Variants in ST7 observed in about 807,000 individuals in gnomAD.
ST7 encodes the protein suppression of tumorigenicity 7, also known as suppressor of tumorigenicity 7 protein.
Under a neutral mutation model 78.7 loss-of-function variants are expected in ST7, and 28 were observed. That is an observed-to-expected ratio of 0.36 (90% CI 0.26 to 0.49). The LOEUF is 0.49. ST7 is among the 20% of genes least tolerant of loss of function. ST7 has a pLI of 0.99. For missense variants in ST7, 418 were observed against 696.0 expected (o/e 0.60, Z 4.49); for synonymous variants, 247 against 249.6 (o/e 0.99, Z 0.10).
At chr7:116,972,920 C>T (rs1585068600) in intron 1 of ST7, 1 of 1,313,070 alleles carries the variant, frequency 7.6e-7, no homozygotes, top group East Asian at 2.3e-5. Flanking sequence ...ATGGTGCCCA[C>T]TCAGCTACTG....
intron 1 of ST7, among the ~76,000 whole-genome samples, chr7:116,999,670 C>A (rs1378175029): frequency 6.6e-6 from 1 of 152,152 alleles, no homozygotes; most frequent in African/African-American, 2.4e-5. Flanking sequence ...AGTATCATTT[C>A]ACTTATCAAC....
intron 3 of ST7, among the ~76,000 whole-genome samples, chr7:117,123,071 A>G (rs1258135788): frequency 6.6e-6 from 1 of 152,190 alleles, no homozygotes; most frequent in Non-Finnish European, 1.5e-5. Flanking sequence ...TTCTTGGAGC[A>G]TCATAAGATG....
rs1319824040 is a variant in ST7 at position 117,147,068 on chromosome 7, TTA to T, written c.963+8540_963+8541del. Among the ~76,000 whole-genome samples the T allele has an allele frequency of 2.0e-5, 3 of 152,248 alleles. 1 individual carries two copies. Among genetic ancestry groups the T allele is most frequent in the South Asian group, 4.1e-4 (2 of 4,820 alleles). On this transcript the variant is annotated intron_variant, in intron 9 of 15. Coordinates refer to ENST00000323984, the MANE Select transcript of ST7 (RefSeq NM_001369598.1). ...GAATGTAGTGTCTTGTGTGTTTAAT[TTA>T]TATGTCTATAGATCTCTGCTTCTTC...
At chr7:117,104,170 G>A (rs1801779058) in intron 2 of ST7, among the ~76,000 whole-genome samples, 1 of 152,222 alleles carries the variant, frequency 6.6e-6, no homozygotes, top group Non-Finnish European at 1.5e-5. Flanking sequence ...GGTAGGTGCA[G>A]TGGCTCACGC....
intron 9 of ST7, among the ~76,000 whole-genome samples, chr7:117,161,509 G>A (rs969727465): frequency 2.0e-5 from 3 of 150,138 alleles, no homozygotes; most frequent in African/African-American, 7.4e-5. Flanking sequence ...TAAAGCTGTG[G>A]CCCTCATCTG....
intron 2 of ST7, among the ~76,000 whole-genome samples, chr7:117,113,443 A>C (rs1356533793): frequency 6.6e-6 from 1 of 151,888 alleles, no homozygotes; most frequent in East Asian, 1.9e-4. Flanking sequence ...AAAAAGGAAA[A>C]GAAAGAGAGA....
chr7:117,106,276 G>A (rs1801956040), intron 2 of ST7, among the ~76,000 whole-genome samples: 1 of 152,188 alleles, frequency 6.6e-6, no homozygotes, highest in Non-Finnish European at 1.5e-5. Context: ...GGGATTACAG[G>A]CGTGAGCCAC....
rs375829707 is a variant in ST7, at chr7:117,138,898, G to A, written c.963+366G>A. On this transcript the variant is annotated intron_variant, in intron 9 of 15. Transcript: ENST00000323984. ...TAAACCTTTGGGGCTGCAGCTGGAAGCCAATAATGAGACCAGCCATGTTAG... is the reference window on the plus strand; with the variant it reads ...TAAACCTTTGGGGCTGCAGCTGGAAACCAATAATGAGACCAGCCATGTTAG... 1.6e-4 allele frequency among the ~76,000 whole-genome samples: 24 copies of A among 152,310 alleles called. No homozygotes were observed. The East Asian group carries it at 4.2e-3, about 27-fold the overall frequency.
chr7:117,008,347 C>G (rs936164104), intron 1 of ST7, among the ~76,000 whole-genome samples: 1 of 152,150 alleles, frequency 6.6e-6, no homozygotes. Flanking sequence ...CAAGAATTCC[C>G]TTTCAGCAAT....
chr7:117,136,126 C>A lies in ST7; in HGVS notation c.756C>A (p.Thr252=). Residue 252 remains threonine (T), a synonymous_variant, in exon 8 of 16, where the codon ACC becomes ACA. Coordinates refer to ENST00000323984, the MANE Select transcript of ST7 (RefSeq NM_001369598.1). ...TCTTGGCTGAAGAGGAAGCAACAAC[C>A]ATTGCTGAAGCAGAAAAATTATTTA... ...YILLAEEEAT[T]IAEAEKLFKQ... is the part of the protein sequence containing the mutation. The A allele has an allele frequency of 6.2e-7, 1 of 1,613,484 alleles. No individual in the cohort carries two copies. Among genetic ancestry groups the A allele is most frequent in the Non-Finnish European group, 8.5e-7 (1 of 1,179,608 alleles).
chr7:116,956,740 C>T (rs989915239), intron 1 of ST7: 4 of 438,254 alleles, frequency 9.1e-6, no homozygotes, highest in East Asian at 1.4e-4. Context: ...GAGCTTAACT[C>T]GATTTTTTTT....
chr7:117,006,847 G>C (rs925181336), intron 1 of ST7, among the ~76,000 whole-genome samples: 3 of 152,160 alleles, frequency 2.0e-5, no homozygotes, highest in African/African-American at 7.2e-5. Context: ...GTTATGGTGA[G>C]CTGTGATCAG....
At chr7:116,975,740 A>G (rs1191907096) in intron 1 of ST7, among the ~76,000 whole-genome samples, 1 of 151,262 alleles carries the variant, frequency 6.6e-6, no homozygotes, top group Non-Finnish European at 1.5e-5. Flanking sequence ...TATATGGATT[A>G]GGTAGATTAT....
chr7:117,227,026 C>G (rs1013387159), intron 15 of ST7, among the ~76,000 whole-genome samples: 2 of 152,182 alleles, frequency 1.3e-5, no homozygotes, highest in African/African-American at 4.8e-5. Context: ...ATGAAGCTTT[C>G]CTCCTGATTT....
chr7:117,099,046 C>CAA (rs754881472), intron 1 of ST7, among the ~76,000 whole-genome samples: 2,638 of 30,320 alleles, frequency 0.087, 438 homozygotes, highest in African/African-American at 0.11. Flanking sequence ...CTCACTTTCG[C>CAA]AAAAAAAAAA....
intron 9 of ST7, among the ~76,000 whole-genome samples, chr7:117,169,782 C>G (rs1333505187): frequency 5.3e-5 from 8 of 151,702 alleles, no homozygotes; most frequent in Non-Finnish European, 8.8e-5. Context: ...TTTGTTAGGC[C>G]CTCAAGACAG....
chr7:117,120,563 T>C (rs992349720), intron 3 of ST7, among the ~76,000 whole-genome samples: 12 of 152,194 alleles, frequency 7.9e-5, no homozygotes, highest in African/African-American at 1.7e-4. Context: ...TTTTATTTCT[T>C]GAACATGCCA....
Position 117,226,506 on chromosome 7 carries a change from A to G in ST7, c.1639-3256A>G, listed in dbSNP as rs549416663. On this transcript the variant is annotated intron_variant, in intron 15 of 15. Transcript: ENST00000323984. ...AGTGAAAACTGCTGTTTCTCCTTCT[A>G]TATTGGTTGGGTCTCCAACTAAAAA... is the stretch of plus-strand genomic sequence containing the variant. Among the ~76,000 whole-genome samples the G allele has an allele frequency of 7.2e-5, 11 of 152,298 alleles. No homozygotes were observed. The South Asian group carries it at 1.9e-3, about 26-fold the overall frequency.
In ST7 at chr7:117,160,641, T is replaced by TTG. The variant is rs765696043; in HGVS notation, c.964-10209_964-10208dup. Among the ~76,000 whole-genome samples, 334 of 150,832 alleles carry TTG rather than the reference T, an allele frequency of 2.2e-3. 2 individuals carry two copies. Among genetic ancestry groups the TTG allele is most frequent in the Middle Eastern group, 6.8e-3 (2 of 292 alleles). ...ATATTACATATACACATACATATAC[T>TTG]TGTGTGTGTGTGTATATATATATAT... On this transcript the variant is annotated intron_variant, in intron 9 of 15. Coordinates refer to ENST00000323984, the MANE Select transcript of ST7 (RefSeq NM_001369598.1).
Sources: gnomAD v4.1 joint callset for allele counts (sites outside exome capture counted in the v4.1 genomes callset) on GRCh38, gnomAD v4.1.1 for gene constraint, MANE v1.5 for transcripts, NCBI Gene and HGNC (gene_info 2026-07-23, HGNC 2026-07-21) for gene names.